Variants in TMEM117 observed in about 807,000 individuals in gnomAD.
TMEM117 encodes the protein transmembrane protein 117.
Under a neutral mutation model 52.4 loss-of-function variants are expected in TMEM117, and 27 were observed. That is an observed-to-expected ratio of 0.51 (90% CI 0.38 to 0.71). The LOEUF (loss-of-function observed/expected upper bound fraction) is 0.71, where lower values mean the gene tolerates loss of function less well. Among genes scored for constraint, TMEM117 ranks in the 30% least tolerant of loss-of-function variants. TMEM117 has a pLI of 0.00. For missense variants in TMEM117, 556 were observed against 630.5 expected (o/e 0.88, Z 1.26); for synonymous variants, 215 against 206.3 (o/e 1.04, Z -0.36).
chr12:43,921,911 T>C (rs1003833214), intron 2 of TMEM117, among the ~76,000 whole-genome samples: 11 of 152,088 alleles, frequency 7.2e-5, no homozygotes, highest in Non-Finnish European at 1.6e-4. Context: ...CTACTTCTGT[T>C]TGGCAGCTTT....
intron 2 of TMEM117, among the ~76,000 whole-genome samples, chr12:43,921,034 C>T (rs1944685137): frequency 1.3e-5 from 2 of 152,182 alleles, no homozygotes; most frequent in South Asian, 4.1e-4. Context: ...TTCTTATAAA[C>T]TTGTCTACCC....
At chr12:44,092,139 G>A (rs1184901791) in intron 3 of TMEM117, among the ~76,000 whole-genome samples, 1 of 152,178 alleles carries the variant, frequency 6.6e-6, no homozygotes, top group Non-Finnish European at 1.5e-5. Context: ...TGAAGAATCC[G>A]ATATGTATCA....
chr12:43,822,894 C>A, the TMEM117 span, among the ~76,000 whole-genome samples: 1 of 150,002 alleles, frequency 6.7e-6, no homozygotes. Flanking sequence ...AGAGTAAGAC[C>A]CTGTCTCGAA....
chr12:44,382,450 G>A (rs983594351), intron 7 of TMEM117, among the ~76,000 whole-genome samples: 9 of 152,098 alleles, frequency 5.9e-5, no homozygotes, highest in Middle Eastern at 3.4e-3. Flanking sequence ...TTCTCTTTTC[G>A]TATTTTTCTG....
At chr12:44,207,896 C>T (rs1220259588) in intron 4 of TMEM117, among the ~76,000 whole-genome samples, 1 of 151,944 alleles carries the variant, frequency 6.6e-6, no homozygotes, top group Non-Finnish European at 1.5e-5. Context: ...AGATGTGTGA[C>T]CTTGCTCTGT....
At chr12:44,124,017 A>C (rs1168881825) in intron 3 of TMEM117, among the ~76,000 whole-genome samples, 1 of 150,554 alleles carries the variant, frequency 6.6e-6, no homozygotes, top group East Asian at 1.9e-4. Context: ...AACAATATAG[A>C]TTCTTTCTAT....
At chr12:43,805,752 G>A in the TMEM117 span, 8 of 1,321,936 alleles carry the variant, frequency 6.1e-6, no homozygotes, top group Non-Finnish European at 8.0e-6. Context: ...CTACTGATGT[G>A]AGAAAGATTC....
At chr12:43,851,904 T>C (rs1162886282) in intron 2 of TMEM117, among the ~76,000 whole-genome samples, 1 of 152,250 alleles carries the variant, frequency 6.6e-6, no homozygotes, top group African/African-American at 2.4e-5. Context: ...TTCTTTTTTC[T>C]TGTGCTTGGT....
intron 2 of TMEM117, among the ~76,000 whole-genome samples, chr12:43,926,459 C>T (rs1592369022): frequency 1.3e-5 from 2 of 152,180 alleles, no homozygotes; most frequent in East Asian, 3.8e-4. Flanking sequence ...TAAATGTTTA[C>T]ATCGGAATTT....
chr12:44,194,388 A>G (rs1238444593), intron 4 of TMEM117, among the ~76,000 whole-genome samples: 1 of 152,190 alleles, frequency 6.6e-6, no homozygotes, highest in Non-Finnish European at 1.5e-5. Context: ...TGGCAGTAGA[A>G]TGGTGATATT....
At chr12:43,878,986 C>T (rs772125286) in intron 2 of TMEM117, among the ~76,000 whole-genome samples, 16 of 151,958 alleles carry the variant, frequency 1.1e-4, no homozygotes, top group African/African-American at 2.7e-4. Context: ...GTAATACTTG[C>T]GTTAAATGAT....
intron 3 of TMEM117, among the ~76,000 whole-genome samples, chr12:44,031,832 A>T (rs1946637682): frequency 6.6e-6 from 1 of 152,214 alleles, no homozygotes; most frequent in Admixed American, 6.5e-5. Flanking sequence ...TCCTTTTATA[A>T]CAGGACACAA....
At chr12:44,167,727 A>G (rs1443045314) in intron 4 of TMEM117, among the ~76,000 whole-genome samples, 1 of 152,172 alleles carries the variant, frequency 6.6e-6, no homozygotes, top group Non-Finnish European at 1.5e-5. Flanking sequence ...TGCCATTTCA[A>G]TAGATAAGTA....
intron 6 of TMEM117, among the ~76,000 whole-genome samples, chr12:44,354,689 A>G (rs1245640741): frequency 6.6e-6 from 1 of 152,004 alleles, no homozygotes; most frequent in Non-Finnish European, 1.5e-5. Context: ...AGAGCTATCT[A>G]TGACAAACCC....
chr12:44,291,493 T>C (rs1192620983), intron 5 of TMEM117, among the ~76,000 whole-genome samples: 2 of 151,902 alleles, frequency 1.3e-5, no homozygotes, highest in African/African-American at 4.8e-5. Flanking sequence ...TTTATTTCAT[T>C]TTCTTGCCTA....
intron 6 of TMEM117, among the ~76,000 whole-genome samples, chr12:44,323,608 CTT>C (rs376320970): frequency 1.3e-5 from 2 of 152,174 alleles, no homozygotes; most frequent in African/African-American, 4.8e-5. Context: ...AAGAAAATAA[CTT>C]ATTGTTTTAT....
chr12:43,992,482 T>C (rs1320087753), intron 3 of TMEM117, among the ~76,000 whole-genome samples: 1 of 152,110 alleles, frequency 6.6e-6, no homozygotes, highest in Non-Finnish European at 1.5e-5. Flanking sequence ...TCTCACCATG[T>C]TGCCCAGGCT....
At chr12:44,111,689 T>C (rs1474617648) in intron 3 of TMEM117, among the ~76,000 whole-genome samples, 3 of 140,068 alleles carry the variant, frequency 2.1e-5, no homozygotes, top group East Asian at 4.2e-4. Flanking sequence ...TTCTGTTGAT[T>C]TGGGGTGGAG....
chr12:43,854,930 C>T (rs1268556976), intron 2 of TMEM117, among the ~76,000 whole-genome samples: 1 of 152,238 alleles, frequency 6.6e-6, no homozygotes, highest in Admixed American at 6.5e-5. Flanking sequence ...AGCCACCGCT[C>T]CTGGCCCAGG....
Sources: allele counts gnomAD v4.1 joint callset (sites outside exome capture counted in the v4.1 genomes callset), GRCh38; gene constraint gnomAD v4.1.1; transcripts MANE v1.5; gene names NCBI Gene and HGNC (gene_info 2026-07-23, HGNC 2026-07-21).